HNRNPH1: variants seen among roughly 807,000 people sequenced by gnomAD.
HNRNPH1 encodes heterogeneous nuclear ribonucleoprotein H1.
In HNRNPH1, 4 loss-of-function variants were observed where a neutral mutation model predicts 58.6. That is an observed-to-expected ratio of 0.07 (90% CI 0.03 to 0.16). The LOEUF (loss-of-function observed/expected upper bound fraction) is 0.16, where lower values mean the gene tolerates loss of function less well. Ranked by LOEUF, HNRNPH1 falls within the 10% of genes least tolerant of loss-of-function variation. The probability of loss-of-function intolerance (pLI) is 1.00; values close to 1 mark genes in which losing one functional copy is unlikely to be tolerated. For missense variants in HNRNPH1, 271 were observed against 564.2 expected (o/e 0.48, Z 5.26); for synonymous variants, 192 against 189.2 (o/e 1.01, Z -0.12).
At chr5:179,626,776 CTT>C (rs60754691), upstream of HNRNPH1, among the ~76,000 whole-genome samples, 22 of 132,422 alleles carry the variant, frequency 1.7e-4, no homozygotes, top group African/African-American at 1.4e-4. Flanking sequence ...TGGTATACTT[CTT>C]TTTTTTTTTT....
At chr5:179,632,033 G>T (rs1241236800) in intron 2 of HNRNPH1, among the ~76,000 whole-genome samples, 1 of 151,332 alleles carries the variant, frequency 6.6e-6, no homozygotes, top group Non-Finnish European at 1.5e-5. Context: ...TCGGCCGGGC[G>T]CGGCGGCTCA....
upstream of HNRNPH1, among the ~76,000 whole-genome samples, chr5:179,628,050 G>A (rs995426063): frequency 1.3e-5 from 2 of 151,964 alleles, no homozygotes; most frequent in Non-Finnish European, 2.9e-5. Context: ...CTGGAACTCC[G>A]AACCTCAAGT....
At chr5:179,622,609 A>G (rs1218445044) in intron 1 of HNRNPH1, among the ~76,000 whole-genome samples, 1 of 152,124 alleles carries the variant, frequency 6.6e-6, no homozygotes, top group Non-Finnish European at 1.5e-5. Flanking sequence ...CACTCGGGAG[A>G]CTGAGGCAGG....
exon 1 of HNRNPH1, chr5:179,624,304 C>T (rs1249663316): frequency 1.3e-5 from 5 of 391,558 alleles, no homozygotes; most frequent in Non-Finnish European, 1.8e-5. Flanking sequence ...TGTGTGCCTC[C>T]ACTTCCCCTT....
At chr5:179,632,307 CAAAAAAA>C (rs368360110) in intron 2 of HNRNPH1, among the ~76,000 whole-genome samples, 63,488 of 132,814 alleles carry the variant, frequency 0.48, 14,008 homozygotes, top group African/African-American at 0.55. Context: ...GACTCCGTCT[CAAAAAAA>C]AAAAAAAGAA....
intron 2 of HNRNPH1, among the ~76,000 whole-genome samples, chr5:179,632,771 T>TC (rs1341925961): frequency 6.7e-6 from 1 of 149,768 alleles, no homozygotes; most frequent in African/African-American, 2.4e-5. Context: ...TTTTTTTTTT[T>TC]TTTGAGACGG....
chr5:179,632,759 T>TTTTTTC (rs1774952210), intron 2 of HNRNPH1, among the ~76,000 whole-genome samples: 1 of 147,584 alleles, frequency 6.8e-6, no homozygotes, highest in South Asian at 2.2e-4. Flanking sequence ...ATATCTTTTT[T>TTTTTTC]TTTTTTTTTT....
chr5:179,631,102 A>AT (rs1160605002), intron 2 of HNRNPH1, among the ~76,000 whole-genome samples: 1 of 152,122 alleles, frequency 6.6e-6, no homozygotes, highest in African/African-American at 2.4e-5. Context: ...AAATTCTGGT[A>AT]TGAATGCATG....
At chr5:179,614,322 G>A (rs1417662821) in exon 13 of HNRNPH1, 4 of 150,636 alleles carry the variant, frequency 2.7e-5, no homozygotes, top group Non-Finnish European at 4.4e-5. Flanking sequence ...TATTGGTATT[G>A]CGTCTCAAAT....
chr5:179,616,646 T>G (rs12188476), intron 10 of HNRNPH1: 214,722 of 568,270 alleles, frequency 0.38, 43,279 homozygotes, highest in Non-Finnish European at 0.44. Context: ...CACTCCGTAG[T>G]CCCCTCCCCC....
chr5:179,622,089 A>T, intron 1 of HNRNPH1: 1 of 429,128 alleles, frequency 2.3e-6, no homozygotes, highest in Non-Finnish European at 4.6e-6. Flanking sequence ...TAATAGGAAC[A>T]AGGACATTCT....
intron 4 of HNRNPH1, 26 bp downstream of exon 5, chr5:179,619,243 A>G (rs761441698): frequency 6.3e-7 from 1 of 1,577,592 alleles, no homozygotes; most frequent in Admixed American, 1.8e-5. Flanking sequence ...GAAAAGTGAC[A>G]TATCCAACCA....
At chr5:179,619,177 A>G (rs1228869027) in intron 4 of HNRNPH1, 92 bp downstream of exon 5, 1 of 1,184,106 alleles carries the variant, frequency 8.4e-7, no homozygotes, top group South Asian at 1.7e-5. Context: ...TAGGACTACA[A>G]AACATTAATT....
At chr5:179,623,195 C>T (rs1171638740) in exon 1 of HNRNPH1, 4 of 1,252,414 alleles carry the variant, frequency 3.2e-6, no homozygotes, top group African/African-American at 1.5e-5. Context: ...GAACTGAGAG[C>T]GCCAATTAAG....
rs754632637 is a variant in HNRNPH1 at position 179,618,329 on chromosome 5, G to GC, written c.537-7dup. 8 of 1,598,744 alleles carry GC rather than the reference G, an allele frequency of 5.0e-6. No individual in the cohort carries two copies. In the African/African-American group the frequency reaches 1.1e-4, roughly 22 times the overall value. On this transcript the variant is annotated splice_region_variant and splice_polypyrimidine_tract_variant and intron_variant, in intron 4 of 12. Coordinates refer to ENST00000356731, the Ensembl canonical transcript of HNRNPH1. ...TCTTAAAGATTTCAATATACCTAAA[G>GC]CATTGTTCATAAGGAAGGGGTAGGG...
At chr5:179,625,362 C>G (rs1774282990), upstream of HNRNPH1, among the ~76,000 whole-genome samples, 1 of 75,876 alleles carries the variant, frequency 1.3e-5, no homozygotes, top group African/African-American at 4.8e-5. Context: ...TATGCATGCA[C>G]ACGCCTGTAA....
chr5:179,618,015 C>T, exon 6 of HNRNPH1: 1 of 1,614,190 alleles, frequency 6.2e-7, no homozygotes, highest in Non-Finnish European at 8.5e-7. Context: ...TGACCCAAAT[C>T]CATAGCCATC....
Position 179,617,509 on chromosome 5 carries a change from C to G in HNRNPH1, c.1057+5G>C. ...AAGAGCCCACAAATGCTCAATCACA[C>G]TTACGCATATTTGCTTTGTCTTTTG... is the stretch of plus-strand genomic sequence containing the variant. On this transcript the variant is annotated splice_donor_5th_base_variant and intron_variant, in intron 8 of 12. Coordinates refer to ENST00000356731, the Ensembl canonical transcript of HNRNPH1. 6.2e-7 allele frequency: 1 copy of G among 1,612,982 alleles called. No homozygotes were observed. Among genetic ancestry groups the G allele is most frequent in the Non-Finnish European group, 8.5e-7 (1 of 1,179,812 alleles).
exon 1 of HNRNPH1, chr5:179,623,212 T>G: frequency 1.9e-6 from 2 of 1,072,506 alleles, no homozygotes; most frequent in East Asian, 3.1e-5. Context: ...TAAGCTGTCC[T>G]TCGCCTCCGA....
Sources: allele counts gnomAD v4.1 joint callset (sites outside exome capture counted in the v4.1 genomes callset), GRCh38; gene constraint gnomAD v4.1.1; transcripts MANE v1.5; gene names NCBI Gene and HGNC (gene_info 2026-07-23, HGNC 2026-07-21).